Variants in GRIP2 observed in about 807,000 individuals in gnomAD.
The protein encoded by GRIP2 is glutamate receptor-interacting protein 2.
A neutral mutation model predicts 108.3 loss-of-function variants in GRIP2; 58 were observed. The ratio of observed to expected loss-of-function variants is 0.54; its 90% CI spans 0.43 to 0.67. The LOEUF is 0.67. GRIP2 is among the 30% of genes least tolerant of loss of function. The pLI, the probability that GRIP2 is intolerant of heterozygous loss-of-function variation, is 0.00. For missense variants in GRIP2, 1,278 were observed against 1,430.6 expected (o/e 0.89, Z 1.72); for synonymous variants, 586 against 598.2 (o/e 0.98, Z 0.30).
At chr3:14,500,768 G>GA (rs1426079148) in intron 21 of GRIP2, among the ~76,000 whole-genome samples, 2 of 151,916 alleles carry the variant, frequency 1.3e-5, no homozygotes, top group African/African-American at 4.8e-5. Context: ...GATGAGCTCA[G>GA]AAAAAAAGGG....
chr3:14,520,880 A>C, intron 7 of GRIP2: 1 of 265,588 alleles, frequency 3.8e-6, no homozygotes, highest in Non-Finnish European at 7.3e-6. Flanking sequence ...CATCTCAGGA[A>C]ATGGCACCTC....
the GRIP2 span, among the ~76,000 whole-genome samples, chr3:14,565,469 A>G: frequency 2.0e-5 from 3 of 152,060 alleles, no homozygotes; most frequent in Non-Finnish European, 4.4e-5. Context: ...AACACAGGAA[A>G]AGGCCTCCAG....
chr3:14,557,024 G>T (rs556337449), upstream of GRIP2, among the ~76,000 whole-genome samples: 1 of 152,228 alleles, frequency 6.6e-6, no homozygotes, highest in Non-Finnish European at 1.5e-5. Flanking sequence ...CAAGACACCC[G>T]CTCGGGAATC....
At chr3:14,591,555 G>A in the GRIP2 span, among the ~76,000 whole-genome samples, 2 of 152,050 alleles carry the variant, frequency 1.3e-5, no homozygotes, top group Non-Finnish European at 2.9e-5. Flanking sequence ...AATGCAACAG[G>A]GGCTTAATAA....
chr3:14,517,518 T>TTTTTTTTC (rs1694286297), intron 10 of GRIP2, among the ~76,000 whole-genome samples: 1 of 92,892 alleles, frequency 1.1e-5, no homozygotes. Context: ...TTTTTTTTTT[T>TTTTTTTTC]TTAGTTGAGG....
chr3:14,597,151 T>C, the GRIP2 span, among the ~76,000 whole-genome samples: 1 of 152,282 alleles, frequency 6.6e-6, no homozygotes, highest in East Asian at 1.9e-4. Flanking sequence ...ATCTTTTGGG[T>C]GAAGGCATTA....
chr3:14,573,279 T>G, the GRIP2 span: 19 of 1,413,294 alleles, frequency 1.3e-5, no homozygotes, highest in Non-Finnish European at 1.9e-5. Context: ...CTCTGCTCGG[T>G]ACAGCAGGAA....
At chr3:14,593,974 C>A in the GRIP2 span, among the ~76,000 whole-genome samples, 1 of 152,336 alleles carries the variant, frequency 6.6e-6, no homozygotes, top group African/African-American at 2.4e-5. Flanking sequence ...TCAAAGCCCC[C>A]AGCCCATCCC....
chr3:14,601,129 G>C, the GRIP2 span, among the ~76,000 whole-genome samples: 12 of 152,100 alleles, frequency 7.9e-5, no homozygotes, highest in African/African-American at 2.9e-4. Flanking sequence ...AAGAGCAAGA[G>C]AGCTACATAG....
chr3:14,575,176 G>A, the GRIP2 span, among the ~76,000 whole-genome samples: 12 of 152,112 alleles, frequency 7.9e-5, no homozygotes, highest in Non-Finnish European at 1.2e-4. Flanking sequence ...TACTCTCTAC[G>A]CGGCACCTCT....
In GRIP2 at chr3:14,496,638, A is replaced by G. The variant is rs895337947; in HGVS notation, c.2680-78T>C. 14 of 1,513,580 alleles carry G rather than the reference A, an allele frequency of 9.2e-6. No individual in the cohort carries two copies. The Admixed American group carries it at 2.8e-4, about 30-fold the overall frequency. The allele number at this position is 1,513,580 out of a possible 1,614,324, so 93.8% of individuals were successfully genotyped here. ...CAGTCAGCATCCACTGACAACTACT[A>G]TGTGCCAGCCACAAAAGGGACAATG... On this transcript the variant is annotated intron_variant, in intron 21 of 23. Coordinates refer to ENST00000621039, the MANE Select transcript of GRIP2 (RefSeq NM_001080423.4).
Position 14,503,606 on chromosome 3 carries a change from A to C in GRIP2, c.2639T>G (p.Leu880Arg). 3.7e-6 allele frequency: 6 copies of C among 1,609,902 alleles called. No individual in the cohort carries two copies. The highest frequency in any genetic ancestry group is 4.2e-6 in the Non-Finnish European group (5 of 1,178,326). Residue 880 changes from leucine (L) to arginine (R), a missense_variant, in exon 21 of 24, where the codon CTG becomes CGG. By Grantham distance (102) the Leu-to-Arg change is moderately radical. Transcript: ENST00000621039. The stretch of plus-strand genomic sequence containing the variant: ...CAGCTCTGACTGACCACATGACTCC[A>C]GGTCTTCGAGAGCTTCTCCAAACAT... ...WRMFGEALEDLESCGQSELLR... is the reference protein window; with the variant it reads ...WRMFGEALEDRESCGQSELLR...
In GRIP2 at chr3:14,522,109, A is replaced by C; in HGVS notation, c.567-322T>G. ...GAGCTGGGGGTGCTCTTCAAGCGTC[A>C]CCCCCAACTCCTGCCTCAGGGACAA... On this transcript the variant is annotated intron_variant, in intron 6 of 23. Transcript: ENST00000621039. The surrounding 1 kb of genome is among the most constrained non-coding windows in gnomAD (Gnocchi z 4.3). 2.5e-5 allele frequency: 7 copies of C among 276,872 alleles called. No homozygotes were observed. Among genetic ancestry groups the C allele is most frequent in the South Asian group, 1.5e-4 (2 of 12,964 alleles). 17.2% of individuals were successfully genotyped at this position (276,872 alleles called of 1,614,324 possible).
In GRIP2 at chr3:14,513,770, T is replaced by C; in HGVS notation, c.1534A>G (p.Asn512Asp). Reference sequence around the variant, plus strand: ...GTCCCGTCCTCGGTGGCAATGCCATTGATGGACAGGACACGGTCCCCCACC... The same window carrying C: ...GTCCCGTCCTCGGTGGCAATGCCATCGATGGACAGGACACGGTCCCCCACC... ...LQVGDRVLSI[N>D]GIATEDGTME... Residue 512 changes from asparagine (N) to aspartate (D), a missense_variant, in exon 13 of 24, where the codon AAT becomes GAT. Coordinates refer to ENST00000621039, the MANE Select transcript of GRIP2 (RefSeq NM_001080423.4). The C allele has an allele frequency of 6.2e-7, 1 of 1,612,704 alleles. No individual in the cohort carries two copies. Among genetic ancestry groups the C allele is most frequent in the Non-Finnish European group, 8.5e-7 (1 of 1,179,490 alleles).
rs1004288944 is a variant in GRIP2 at position 14,492,618 on chromosome 3, T to A, written c.*1047A>T. ...CCCATTTCTCTCCCATCTCCCTCCC[T>A]CTTTCTCCTCTTCCTCCACTGATCT... On this transcript the variant is annotated 3_prime_UTR_variant, in exon 24 of 24. Transcript: ENST00000621039. 6.6e-6 allele frequency: 1 copy of A among 152,340 alleles called. No individual in the cohort carries two copies. Among genetic ancestry groups the A allele is most frequent in the Admixed American group, 6.5e-5 (1 of 15,284 alleles). The allele number at this position is 152,340 out of a possible 1,614,324, so 9.4% of individuals were successfully genotyped here. A position where few individuals can be genotyped will look rare whatever the true frequency, so the allele number is the denominator to read the frequency against.
intron 1 of GRIP2, among the ~76,000 whole-genome samples, chr3:14,538,203 C>T (rs912964660): frequency 1.3e-5 from 2 of 152,194 alleles, no homozygotes; most frequent in African/African-American, 4.8e-5. Context: ...GCTGACTTCT[C>T]AGGGCTGCAG....
intron 9 of GRIP2, among the ~76,000 whole-genome samples, chr3:14,519,465 A>G (rs1694347189): frequency 6.6e-6 from 1 of 152,234 alleles, no homozygotes. Flanking sequence ...ACTGGGACTC[A>G]GAGAGGGAAA....
chr3:14,533,586 C>T (rs1028410053), intron 1 of GRIP2, among the ~76,000 whole-genome samples: 1 of 152,156 alleles, frequency 6.6e-6, no homozygotes, highest in African/African-American at 2.4e-5. Context: ...GAGCTGGATG[C>T]TGAAGCACAG....
chr3:14,521,554 G>A lies in GRIP2; in HGVS notation c.712+88C>T, dbSNP rs1271253564. On this transcript the variant is annotated intron_variant, in intron 7 of 23. Coordinates refer to ENST00000621039, the MANE Select transcript of GRIP2 (RefSeq NM_001080423.4). This position sits in a 1 kb window ranked among gnomAD's most constrained non-coding sequence, Gnocchi z 5.1. ...AAGGTCATAAGGTCATGCAGCCTTT[G>A]CAGTGGTAAAGATCCATGGCCACTG... 2.2e-6 allele frequency: 3 copies of A among 1,378,924 alleles called. No homozygotes were observed. Among genetic ancestry groups the A allele is most frequent in the Non-Finnish European group, 2.9e-6 (3 of 1,020,482 alleles). The allele number at this position is 1,378,924 out of a possible 1,614,324, so 85.4% of individuals were successfully genotyped here.
Sources: gnomAD v4.1 joint callset for allele counts (sites outside exome capture counted in the v4.1 genomes callset) on GRCh38, gnomAD v4.1.1 for gene constraint, Gnocchi (gnomAD v3.1) non-coding constraint, MANE v1.5 for transcripts, NCBI Gene and HGNC (gene_info 2026-07-23, HGNC 2026-07-21) for gene names.